The following MROH9 variants were observed in gnomAD, a reference collection of about 807,000 sequenced individuals.
MROH9 encodes maestro heat like repeat family member 9, also known as maestro heat-like repeat-containing protein family member 9.
MROH9 carries 92 observed loss-of-function variants against 98.2 expected under a neutral mutation model. The ratio of observed to expected loss-of-function variants is 0.94; its 90% CI spans 0.79 to 1.11. The LOEUF (loss-of-function observed/expected upper bound fraction) is 1.11. Ranked by LOEUF, MROH9 falls within the 50% of genes most tolerant of loss-of-function variation. The pLI, the probability that MROH9 is intolerant of heterozygous loss-of-function variation, is 0.00. For synonymous variants in MROH9, 397 were observed against 368.9 expected, an observed-to-expected ratio of 1.08 and a Z score of -0.87; for missense variants, 1,057 against 1,014.8, an observed-to-expected ratio of 1.04 and a Z score of -0.57.
chr1:170,941,967 A>G (rs1370109947), intron 1 of MROH9, among the ~76,000 whole-genome samples: 1 of 152,170 alleles, frequency 6.6e-6, no homozygotes, highest in Non-Finnish European at 1.5e-5. Context: ...GTTTTAGCCA[A>G]TCAACCAAAC....
chr1:171,017,690 T>C (rs1170126436), intron 17 of MROH9, among the ~76,000 whole-genome samples: 1 of 152,090 alleles, frequency 6.6e-6, no homozygotes, highest in Non-Finnish European at 1.5e-5. Flanking sequence ...TCTATAGCTC[T>C]AGGCTATGCT....
intron 20 of MROH9, among the ~76,000 whole-genome samples, chr1:171,045,243 G>A (rs1257907375): frequency 3.3e-5 from 5 of 151,342 alleles, no homozygotes; most frequent in African/African-American, 4.9e-5. Flanking sequence ...CTCGTGATCC[G>A]CCCGCCTCGG....
chr1:170,978,088 A>G (rs1650784894), intron 8 of MROH9, among the ~76,000 whole-genome samples: 1 of 152,068 alleles, frequency 6.6e-6, no homozygotes, highest in African/African-American at 2.4e-5. Context: ...AGGAGTTTTC[A>G]TTTGCCCCCT....
chr1:170,942,355 G>A (rs185563902), intron 1 of MROH9, among the ~76,000 whole-genome samples: 105 of 140,612 alleles, frequency 7.5e-4, no homozygotes, highest in Non-Finnish European at 1.3e-3. Flanking sequence ...GTTTCCTCCG[G>A]CAATGTAGAG....
At position 170,983,467 on chromosome 1, in the gene MROH9, A is replaced by T; in HGVS notation, c.662A>T (p.Gln221Leu). Residue 221 changes from glutamine to leucine, a missense_variant, in exon 9 of 22, where the codon CAG (glutamine) becomes CTG (leucine). By Grantham distance (113) the Gln-to-Leu change is moderately radical (BLOSUM62 -2). Transcript: ENST00000367759. The part of the protein sequence containing the change: ...KPTNGKSHSL[Q>L]FPSSDVEFLP... ...ACAAACGGTAAAAGTCATAGCCTCC[A>T]GTTTCCTTCTTCTGATGTAGAATTT... The T allele has an allele frequency of 6.2e-7, 1 of 1,613,394 alleles. No individual in the cohort carries two copies. Among genetic ancestry groups the T allele is most frequent in the Non-Finnish European group, 8.5e-7 (1 of 1,179,572 alleles).
At chr1:170,939,324 G>A (rs1444811421) in intron 1 of MROH9, among the ~76,000 whole-genome samples, 1 of 152,218 alleles carries the variant, frequency 6.6e-6, no homozygotes, top group Non-Finnish European at 1.5e-5. Flanking sequence ...AGTGCTCGAA[G>A]TTCTGCCTAC....
Position 171,055,618 on chromosome 1 carries a change from T to TAA in MROH9, c.2282-6492_2282-6491dup, listed in dbSNP as rs1204544479. On this transcript the variant is annotated intron_variant, in intron 20 of 21. Coordinates refer to ENST00000367759, the MANE Select transcript of MROH9 (RefSeq NM_001163629.2). Reference sequence around the variant, plus strand: ...GTTTGGGCAACAGTGTGAGACTTCATAAAAAAAAAAAAAAAAAAAAAAAGA... The same window carrying TAA: ...GTTTGGGCAACAGTGTGAGACTTCATAAAAAAAAAAAAAAAAAAAAAAAAAGA... Among the ~76,000 whole-genome samples the TAA allele has an allele frequency of 3.1e-3, 242 of 78,050 alleles. 2 individuals are homozygous for TAA. Among genetic ancestry groups the TAA allele is most frequent in the African/African-American group, 7.0e-3 (174 of 24,752 alleles). The allele number at this position is 78,050 out of a possible 152,430, so 51.2% of individuals were successfully genotyped here.
chr1:170,938,260 A>G (rs576601981), intron 1 of MROH9, among the ~76,000 whole-genome samples: 8 of 152,164 alleles, frequency 5.3e-5, no homozygotes, highest in Non-Finnish European at 1.0e-4. Flanking sequence ...CAGAACTGAG[A>G]TCTCTAAGCC....
chr1:170,993,593 C>T lies in MROH9; in HGVS notation c.1194+1264C>T, dbSNP rs369457021. On this transcript the variant is annotated intron_variant, in intron 12 of 21. Transcript: ENST00000367759. ...CATCATAAAAGCATGGCACAGAAGA[C>T]GGGAAAATTTAACAGGGAGTGCTCG... Among the ~76,000 whole-genome samples the T allele has an allele frequency of 3.5e-4, 53 of 152,062 alleles. 1 individual carries two copies. In the South Asian group the frequency reaches 8.5e-3, roughly 24 times the overall value.
intron 1 of MROH9, among the ~76,000 whole-genome samples, chr1:170,937,013 G>C (rs1465855865): frequency 6.6e-6 from 1 of 152,188 alleles, no homozygotes; most frequent in Non-Finnish European, 1.5e-5. Flanking sequence ...TGACCTTGCA[G>C]CTGCACAGCT....
intron 8 of MROH9, among the ~76,000 whole-genome samples, chr1:170,979,545 A>G (rs1411999575): frequency 6.6e-6 from 1 of 152,230 alleles, no homozygotes; most frequent in Non-Finnish European, 1.5e-5. Flanking sequence ...TAACAGAACT[A>G]TATGTAAAAT....
At chr1:170,936,247 C>T (rs1351954093) in intron 1 of MROH9, among the ~76,000 whole-genome samples, 3 of 152,080 alleles carry the variant, frequency 2.0e-5, no homozygotes, top group South Asian at 2.1e-4. Flanking sequence ...TTCTGCAAGA[C>T]AGAGACCCAG....
At chr1:171,041,347 A>ATATG (rs1553222158) in intron 20 of MROH9, among the ~76,000 whole-genome samples, 2 of 80,610 alleles carry the variant, frequency 2.5e-5, no homozygotes, top group African/African-American at 4.4e-5. Context: ...GTATTCCATG[A>ATATG]TGTGTGTGTG....
At chr1:171,015,520 T>C (rs1652295678) in intron 16 of MROH9, among the ~76,000 whole-genome samples, 1 of 152,168 alleles carries the variant, frequency 6.6e-6, no homozygotes, top group Non-Finnish European at 1.5e-5. Flanking sequence ...TCATTTCCTT[T>C]AGTCTTTTTC....
At chr1:171,044,573 C>T (rs535105302) in intron 20 of MROH9, among the ~76,000 whole-genome samples, 1 of 152,144 alleles carries the variant, frequency 6.6e-6, no homozygotes, top group Non-Finnish European at 1.5e-5. Context: ...TAGAATTCAA[C>T]AGTAAAGCCA....
intron 10 of MROH9, among the ~76,000 whole-genome samples, chr1:170,987,499 C>G (rs891276567): frequency 2.0e-5 from 3 of 152,138 alleles, no homozygotes; most frequent in African/African-American, 7.2e-5. Flanking sequence ...CACAGTCTCT[C>G]TCTCTCAATT....
At chr1:171,031,318 T>A (rs966666147) in intron 20 of MROH9, among the ~76,000 whole-genome samples, 3 of 152,240 alleles carry the variant, frequency 2.0e-5, no homozygotes, top group Non-Finnish European at 4.4e-5. Context: ...AATTTGATCC[T>A]GTCATCATGA....
At chr1:171,012,241 TTTC>T (rs1652178614) in intron 15 of MROH9, among the ~76,000 whole-genome samples, 1 of 152,062 alleles carries the variant, frequency 6.6e-6, no homozygotes, top group Admixed American at 6.5e-5. Context: ...TTCTTTTTGG[TTTC>T]TTCTTTTATT....
At chr1:170,972,857 C>T (rs1168056398) in intron 8 of MROH9, among the ~76,000 whole-genome samples, 1 of 147,598 alleles carries the variant, frequency 6.8e-6, no homozygotes, top group South Asian at 2.2e-4. Flanking sequence ...CACACACACA[C>T]ACAGAGTTTT....
Sources: gnomAD v4.1 joint callset for allele counts (sites outside exome capture counted in the v4.1 genomes callset) on GRCh38, gnomAD v4.1.1 for gene constraint, MANE v1.5 for transcripts, NCBI Gene and HGNC (gene_info 2026-07-23, HGNC 2026-07-21) for gene names.